Variants in GABRA3 observed in about 807,000 individuals in gnomAD.
GABRA3 encodes the protein gamma-aminobutyric acid receptor subunit alpha-3.
GABRA3 carries 10 observed loss-of-function variants against 30.1 expected under a neutral mutation model. The ratio of observed to expected loss-of-function variants is 0.33; its 90% CI spans 0.20 to 0.56. The LOEUF (loss-of-function observed/expected upper bound fraction) is 0.56, where lower values mean the gene tolerates loss of function less well. Ranked by LOEUF, GABRA3 falls within the 20% of genes least tolerant of loss-of-function variation. The pLI is 0.89. For missense variants in GABRA3, 233 were observed against 392.0 expected (o/e 0.59, Z 3.42); for synonymous variants, 151 against 146.8 (o/e 1.03, Z -0.21).
intron 1 of GABRA3, chrX:152,394,444 G>A (rs747458157): frequency 2.3e-5 from 9 of 387,202 alleles, no homozygotes; most frequent in Middle Eastern, 4.3e-4. Flanking sequence ...AACATCCGTG[G>A]TGCATAAGCA....
intron 9 of GABRA3, among the ~76,000 whole-genome samples, chrX:152,177,869 A>T (rs940788906): frequency 8.0e-5 from 9 of 112,042 alleles, no homozygotes; most frequent in Non-Finnish European, 5.6e-5. Context: ...AGCAAGATGA[A>T]GAAAAATAGA....
In GABRA3 at chrX:152,380,418, A is replaced by G. The variant is rs1050605483; in HGVS notation, c.-26-15822T>C. The stretch of plus-strand genomic sequence containing the variant: ...CTTCAGGTTCATCTATATTGTCACA[A>G]ATGGCAAGATTTCCTTCTTCGTTAA... On this transcript the variant is annotated intron_variant, in intron 1 of 9. Coordinates refer to ENST00000370314, the MANE Select transcript of GABRA3 (RefSeq NM_000808.4). Among the ~76,000 whole-genome samples the G allele has an allele frequency of 6.7e-4, 75 of 112,196 alleles. 1 individual carries two copies. Among genetic ancestry groups the G allele is most frequent in the African/African-American group, 2.3e-3 (70 of 30,857 alleles).
In GABRA3 at chrX:152,166,724, T is replaced by C. The variant is rs1489879288; in HGVS notation, c.*1504A>G. On this transcript the variant is annotated 3_prime_UTR_variant, in exon 10 of 10. Transcript: ENST00000370314. ...GACTATTAAAAGTGATCTTCTTGGG[T>C]GACACATTGTGACTTTCTAAAAACC... is the stretch of plus-strand genomic sequence containing the variant. 9.0e-6 allele frequency: 1 copy of C among 110,652 alleles called. No individual in the cohort carries two copies. Among genetic ancestry groups the C allele is most frequent in the Non-Finnish European group, 1.9e-5 (1 of 52,877 alleles). 9.1% of individuals were successfully genotyped at this position (110,652 alleles called of 1,213,427 possible). A position where few individuals can be genotyped will look rare whatever the true frequency, so the allele number is the denominator to read the frequency against.
At chrX:152,373,644 A>G (rs926332014) in intron 1 of GABRA3, among the ~76,000 whole-genome samples, 1 of 110,922 alleles carries the variant, frequency 9.0e-6, no homozygotes, top group Middle Eastern at 4.2e-3. Flanking sequence ...TATTATTATT[A>G]TGCTTTAACT....
chrX:152,241,547 C>T (rs1255399013), intron 5 of GABRA3, among the ~76,000 whole-genome samples: 1 of 108,606 alleles, frequency 9.2e-6, no homozygotes, highest in Non-Finnish European at 1.9e-5. Context: ...TTCGAGCTTC[C>T]CGGCTGCTTT....
At chrX:152,217,520 T>G (rs1162842596) in intron 6 of GABRA3, among the ~76,000 whole-genome samples, 1 of 111,805 alleles carries the variant, frequency 8.9e-6, no homozygotes, top group East Asian at 2.8e-4. Flanking sequence ...AAGAATTATT[T>G]GTGAAAACCT....
chrX:152,266,126 A>G (rs1316333424), intron 4 of GABRA3, among the ~76,000 whole-genome samples: 1 of 111,827 alleles, frequency 8.9e-6, no homozygotes, highest in African/African-American at 3.2e-5. Flanking sequence ...TCCTATATCA[A>G]GAGCATTCTA....
intron 3 of GABRA3, among the ~76,000 whole-genome samples, chrX:152,327,122 T>C (rs1300212542): frequency 1.8e-5 from 2 of 109,914 alleles, no homozygotes; most frequent in East Asian, 2.9e-4. Flanking sequence ...TACATAATGA[T>C]AGAGGGACCA....
At chrX:152,367,130 C>T (rs765669580) in intron 1 of GABRA3, among the ~76,000 whole-genome samples, 4 of 110,831 alleles carry the variant, frequency 3.6e-5, no homozygotes, top group Admixed American at 9.6e-5. Context: ...CCATGATGTA[C>T]AAGCAGAAGG....
chrX:152,235,957 CTT>C lies in GABRA3; in HGVS notation c.552-11114_552-11113del, dbSNP rs56004323. Among the ~76,000 whole-genome samples, 239 of 76,366 alleles carry C rather than the reference CTT, an allele frequency of 3.1e-3. 3 individuals are homozygous for C. Among genetic ancestry groups the C allele is most frequent in the South Asian group, 0.015 (22 of 1,460 alleles). 66.3% of individuals were successfully genotyped at this position (76,366 alleles called of 115,157 possible). A position where few individuals can be genotyped will look rare whatever the true frequency, so the allele number is the denominator to read the frequency against. On this transcript the variant is annotated intron_variant, in intron 5 of 9. Transcript: ENST00000370314. The stretch of plus-strand genomic sequence containing the variant: ...AACAAAGCATTGCACTATTTGATTT[CTT>C]TTTTTTTTTTTTTTAGGGTATCTTT...
At chrX:152,427,308 T>C (rs1375833160) in intron 1 of GABRA3, among the ~76,000 whole-genome samples, 2 of 111,757 alleles carry the variant, frequency 1.8e-5, no homozygotes, top group African/African-American at 6.5e-5. Flanking sequence ...TCTGTATCTC[T>C]ATTTTCACAT....
intron 2 of GABRA3, among the ~76,000 whole-genome samples, chrX:152,349,361 G>T (rs1940439773): frequency 9.0e-6 from 1 of 110,571 alleles, no homozygotes; most frequent in African/African-American, 3.3e-5. Context: ...ATGCCAAAAT[G>T]TAAACACCAT....
chrX:152,371,948 T>C (rs192585323), intron 1 of GABRA3, among the ~76,000 whole-genome samples: 63 of 111,330 alleles, frequency 5.7e-4, no homozygotes, highest in African/African-American at 1.7e-3. Flanking sequence ...TATCCATACC[T>C]TGATTTCTCT....
chrX:152,355,592 C>A (rs1019022559), intron 2 of GABRA3, among the ~76,000 whole-genome samples: 6 of 111,773 alleles, frequency 5.4e-5, no homozygotes. Context: ...TAGATCATAA[C>A]TTTATGATTA....
rs763724765 is a variant in GABRA3 at position 152,444,732 on chromosome X, GTGTTT to G, written c.-27+6409_-27+6413del. On this transcript the variant is annotated intron_variant, in intron 1 of 9. Transcript: ENST00000370314. ...CTTAAAAACTATATATAATACTTGT[GTGTTT>G]TTTTTTTTTTGTTTTTTTTTGTTTG... Among the ~76,000 whole-genome samples, 116 of 23,216 alleles carry G rather than the reference GTGTTT, an allele frequency of 5.0e-3. 1 individual carries two copies. Among genetic ancestry groups the G allele is most frequent in the African/African-American group, 0.011 (68 of 6,023 alleles). 20.2% of individuals were successfully genotyped at this position (23,216 alleles called of 115,157 possible).
chrX:152,220,608 T>C (rs1937814226), intron 6 of GABRA3, among the ~76,000 whole-genome samples: 1 of 111,913 alleles, frequency 8.9e-6, no homozygotes, highest in Non-Finnish European at 1.9e-5. Context: ...TGCACATGTA[T>C]AGCACTATTA....
chrX:152,254,059 T>G (rs2124412697), intron 5 of GABRA3, among the ~76,000 whole-genome samples: 1 of 111,864 alleles, frequency 8.9e-6, no homozygotes, highest in African/African-American at 3.2e-5. Context: ...TCTCCCCTAT[T>G]ATATTGTGAT....
chrX:152,235,957 CTTT>C (rs56004323), intron 5 of GABRA3, among the ~76,000 whole-genome samples: 71 of 76,402 alleles, frequency 9.3e-4, no homozygotes, highest in African/African-American at 2.4e-3. Flanking sequence ...TATTTGATTT[CTTT>C]TTTTTTTTTT....
intron 7 of GABRA3, among the ~76,000 whole-genome samples, chrX:152,199,665 A>G (rs1194627305): frequency 1.8e-5 from 2 of 110,985 alleles, no homozygotes; most frequent in African/African-American, 6.6e-5. Flanking sequence ...TGGGGATCTA[A>G]TAGGCATCTT....
Sources: allele counts gnomAD v4.1 joint callset (sites outside exome capture counted in the v4.1 genomes callset), GRCh38; gene constraint gnomAD v4.1.1; transcripts MANE v1.5; gene names NCBI Gene and HGNC (gene_info 2026-07-23, HGNC 2026-07-21).